Variants in CEP57L1 observed in about 807,000 individuals in gnomAD.
CEP57L1 encodes centrosomal protein CEP57L1.
A neutral mutation model predicts 61.0 loss-of-function variants in CEP57L1; 37 were observed. The observed-to-expected ratio is 0.61, with a 90% CI of 0.47 to 0.80. The LOEUF is 0.80. Ranked by LOEUF, CEP57L1 falls within the 30% of genes least tolerant of loss-of-function variation. The pLI is 0.00. For synonymous variants in CEP57L1, 137 were observed against 162.3 expected, an observed-to-expected ratio of 0.84 and a Z score of 1.19; for missense variants, 422 against 524.7, an observed-to-expected ratio of 0.80 and a Z score of 1.91.
At chr6:109,099,542 A>T (rs543576727) in intron 1 of CEP57L1, among the ~76,000 whole-genome samples, 10 of 148,844 alleles carry the variant, frequency 6.7e-5, no homozygotes, top group South Asian at 4.2e-4. Context: ...TTATTTATTT[A>T]TTTTTATTTA....
chr6:109,151,199 G>T (rs774006786), intron 4 of CEP57L1, among the ~76,000 whole-genome samples: 3 of 152,116 alleles, frequency 2.0e-5, no homozygotes, highest in Non-Finnish European at 2.9e-5. Flanking sequence ...ATCAATACTG[G>T]ATATTGATGG....
At chr6:109,155,743 T>A in intron 6 of CEP57L1, 48 bp from the exon 7 acceptor site, 1 of 952,362 alleles carries the variant, frequency 1.1e-6, no homozygotes, top group Middle Eastern at 2.2e-4. Context: ...TTACAGTGTT[T>A]TTGCATGTTA....
intron 1 of CEP57L1, among the ~76,000 whole-genome samples, chr6:109,117,334 A>G (rs759119155): frequency 4.6e-5 from 7 of 152,214 alleles, no homozygotes; most frequent in African/African-American, 7.2e-5. Context: ...TTGCTGCTCT[A>G]CAAACCTTCT....
chr6:109,116,129 G>T (rs1472639521), intron 1 of CEP57L1, among the ~76,000 whole-genome samples: 1,268 of 51,542 alleles, frequency 0.025, 30 homozygotes, highest in African/African-American at 0.085. Context: ...TATGTGTTGT[G>T]TTATGTTATG....
At chr6:109,155,145 C>A in intron 5 of CEP57L1, 85 bp from the exon 6 acceptor site, 1 of 625,330 alleles carries the variant, frequency 1.6e-6, no homozygotes. Flanking sequence ...AGAATCAAGA[C>A]CCCCTAGGAC....
intron 1 of CEP57L1, among the ~76,000 whole-genome samples, chr6:109,097,149 T>C (rs1781800623): frequency 6.6e-6 from 1 of 152,250 alleles, no homozygotes; most frequent in Admixed American, 6.5e-5. Flanking sequence ...CTTTATTTCT[T>C]CTTGCCCTTC....
chr6:109,174,099 C>CAAAAAAAAAAAAAA lies in CEP57L1; in HGVS notation c.*11131_*11144dup, dbSNP rs1298260523. Among the ~76,000 whole-genome samples the CAAAAAAAAAAAAAA allele has an allele frequency of 1.2e-5, 1 of 81,924 alleles. No individual in the cohort carries two copies. The highest frequency in any genetic ancestry group is 4.8e-5 in the African/African-American group (1 of 20,892). 53.7% of individuals were successfully genotyped at this position (81,924 alleles called of 152,430 possible). ...TGAGCCATAGAGTGAGTCTTGGTCT[C>CAAAAAAAAAAAAAA]AAAAAAAAAAAAAAACCTTGTGTTG... On this transcript the variant is annotated 3_prime_UTR_variant, in exon 11 of 11. Coordinates refer to ENST00000517392, the MANE Select transcript of CEP57L1 (RefSeq NM_001271852.3).
rs1056982256 is a variant in CEP57L1 at position 109,164,864 on chromosome 6, G to A, written c.*1894G>A. 1.3e-4 allele frequency among the ~76,000 whole-genome samples: 19 copies of A among 151,962 alleles called. No individual in the cohort carries two copies. Among genetic ancestry groups the A allele is most frequent in the African/African-American group, 4.3e-4 (18 of 41,382 alleles). On this transcript the variant is annotated 3_prime_UTR_variant, in exon 11 of 11. Transcript: ENST00000517392. ...TGGGAGGCCGAGGCAGGCAGATCAC[G>A]AGGTCAGGAGATTGAGACCATCCTG... is the stretch of plus-strand genomic sequence containing the variant.
chr6:109,160,857 C>A, intron 10 of CEP57L1, 141 bp downstream of exon 10: 1 of 684,018 alleles, frequency 1.5e-6, no homozygotes, highest in South Asian at 2.9e-5. Context: ...AGGCCTATGA[C>A]AGAATAGAGC....
At chr6:109,161,190 C>G (rs114954976) in intron 10 of CEP57L1, among the ~76,000 whole-genome samples, 75 of 152,208 alleles carry the variant, frequency 4.9e-4, no homozygotes, top group African/African-American at 1.8e-3. Flanking sequence ...GTTCCATTCC[C>G]TGGGGTCCTA....
chr6:109,164,293 G>C lies in CEP57L1; in HGVS notation c.*1323G>C, dbSNP rs571829532. On this transcript the variant is annotated 3_prime_UTR_variant, in exon 11 of 11. Coordinates refer to ENST00000517392, the MANE Select transcript of CEP57L1 (RefSeq NM_001271852.3). The stretch of plus-strand genomic sequence containing the variant: ...TTGGTAATTATGGATCTTTTGGGGA[G>C]GAAGAGAACTATAATTCATTCTAAT... Among the ~76,000 whole-genome samples, 19 of 152,242 alleles carry C rather than the reference G, an allele frequency of 1.2e-4. No homozygotes were observed. In the East Asian group the frequency reaches 2.7e-3, roughly 22 times the overall value.
chr6:109,143,998 A>G (rs1432594040), intron 1 of CEP57L1, among the ~76,000 whole-genome samples: 7 of 152,168 alleles, frequency 4.6e-5, no homozygotes, highest in African/African-American at 1.7e-4. Context: ...AGGGAACAAC[A>G]ACTTAGATAG....
At position 109,163,025 on chromosome 6, in the gene CEP57L1, C is replaced by A; in HGVS notation, c.*55C>A. 1 of 1,090,664 alleles carries A rather than the reference C, an allele frequency of 9.2e-7. No homozygotes were observed. The highest frequency in any genetic ancestry group is 1.4e-6 in the Non-Finnish European group (1 of 732,656). 67.6% of individuals were successfully genotyped at this position (1,090,664 alleles called of 1,614,324 possible). On this transcript the variant is annotated 3_prime_UTR_variant, in exon 11 of 11. Coordinates refer to ENST00000517392, the MANE Select transcript of CEP57L1 (RefSeq NM_001271852.3). ...CTTTGTCAGTGAGACCTTGAATTGT[C>A]TAAAGTGGTTTTAATTTAATATAAC...
chr6:109,160,461 A>T, intron 9 of CEP57L1, 111 bp from the exon 10 acceptor site: 1 of 782,094 alleles, frequency 1.3e-6, no homozygotes, highest in Non-Finnish European at 2.1e-6. Flanking sequence ...TTTAAAGGTT[A>T]ATATTTAACT....
In CEP57L1 at chr6:109,165,628, CAT is replaced by C. The variant is rs1774048933; in HGVS notation, c.*2659_*2660del. ...ACACAGTCCTGTCATTGTGCTGAAA[CAT>C]GTAACCACACACAGCAAATAGGTTT... On this transcript the variant is annotated 3_prime_UTR_variant, in exon 11 of 11. Transcript: ENST00000517392. Among the ~76,000 whole-genome samples, 1 of 152,180 alleles carries C rather than the reference CAT, an allele frequency of 6.6e-6. No homozygotes were observed. The highest frequency in any genetic ancestry group is 2.1e-4 in the South Asian group (1 of 4,830).
chr6:109,106,109 T>C (rs1326782633), intron 1 of CEP57L1: 1 of 152,268 alleles, frequency 6.6e-6, no homozygotes, highest in Non-Finnish European at 1.5e-5. Context: ...TATAATTATT[T>C]CATTATGTAT....
chr6:109,129,378 A>G lies in CEP57L1; in HGVS notation c.-3-15841A>G, dbSNP rs1194007465. On this transcript the variant is annotated intron_variant, in intron 1 of 10. Coordinates refer to ENST00000517392, the MANE Select transcript of CEP57L1 (RefSeq NM_001271852.3). Reference sequence around the variant, plus strand: ...CATTCTGGGAACTGATCAGTCTTCCAGCTTCCAGTGTGGTGCCCTCCCTCA... The same window carrying G: ...CATTCTGGGAACTGATCAGTCTTCCGGCTTCCAGTGTGGTGCCCTCCCTCA... 4 of 1,218,746 alleles carry G rather than the reference A, an allele frequency of 3.3e-6. No homozygotes were observed. In the East Asian group the frequency reaches 1.7e-4, roughly 52 times the overall value. 75.5% of individuals were successfully genotyped at this position (1,218,746 alleles called of 1,614,324 possible). A position where few individuals can be genotyped will look rare whatever the true frequency, so the allele number is the denominator to read the frequency against.
chr6:109,134,002 A>G (rs1308785252), intron 1 of CEP57L1, among the ~76,000 whole-genome samples: 2 of 152,226 alleles, frequency 1.3e-5, no homozygotes, highest in Non-Finnish European at 2.9e-5. Context: ...AGCTGGTACC[A>G]TTCCTTCTGA....
intron 7 of CEP57L1, chr6:109,156,152 T>C (rs570378158): frequency 1.5e-5 from 3 of 194,712 alleles, no homozygotes; most frequent in Non-Finnish European, 3.1e-5. Context: ...ATGGACAGTA[T>C]AGCTATCTTT....
Sources: allele counts gnomAD v4.1 joint callset (sites outside exome capture counted in the v4.1 genomes callset), GRCh38; gene constraint gnomAD v4.1.1; transcripts MANE v1.5; gene names NCBI Gene and HGNC (gene_info 2026-07-23, HGNC 2026-07-21).